Variants in PRKAG2 observed in about 807,000 individuals in gnomAD.
PRKAG2 encodes protein kinase AMP-activated non-catalytic subunit gamma 2, also known as 5'-AMP-activated protein kinase subunit gamma-2.
PRKAG2 carries 26 observed loss-of-function variants against 69.6 expected under a neutral mutation model. The observed-to-expected ratio is 0.37, with a 90% CI of 0.27 to 0.52. The LOEUF (loss-of-function observed/expected upper bound fraction) is 0.52, where lower values mean the gene tolerates loss of function less well. Among genes scored for constraint, PRKAG2 ranks in the 20% least tolerant of loss-of-function variants. The pLI, the probability that PRKAG2 is intolerant of heterozygous loss-of-function variation, is 0.90. For missense variants in PRKAG2, 557 were observed against 740.0 expected, an observed-to-expected ratio of 0.75 and a Z score of 2.87; for synonymous variants, 293 against 285.0, an observed-to-expected ratio of 1.03 and a Z score of -0.28.
chr7:151,733,175 G>C (rs899506245), intron 3 of PRKAG2, among the ~76,000 whole-genome samples: 2 of 152,216 alleles, frequency 1.3e-5, no homozygotes, highest in African/African-American at 4.8e-5. Context: ...ACCCAGCCTA[G>C]CTCTTGGCTC....
intron 9 of PRKAG2, among the ~76,000 whole-genome samples, chr7:151,571,345 T>C (rs1352793343): frequency 6.6e-6 from 1 of 152,126 alleles, no homozygotes; most frequent in African/African-American, 2.4e-5. Context: ...AGTGCTGGGA[T>C]TATAGGCGTG....
intron 3 of PRKAG2, among the ~76,000 whole-genome samples, chr7:151,702,111 G>T (rs977324417): frequency 5.3e-5 from 8 of 152,226 alleles, no homozygotes; most frequent in African/African-American, 1.9e-4. Flanking sequence ...GTGGCTGGTG[G>T]CTACCAAGAT....
At chr7:151,618,965 G>A (rs1456367575) in intron 5 of PRKAG2, among the ~76,000 whole-genome samples, 2 of 151,908 alleles carry the variant, frequency 1.3e-5, no homozygotes, top group Non-Finnish European at 2.9e-5. Context: ...GTACACGGGC[G>A]AGAAAATGCA....
intron 4 of PRKAG2, among the ~76,000 whole-genome samples, chr7:151,647,054 G>A (rs1242339803): frequency 2.6e-5 from 4 of 152,246 alleles, no homozygotes; most frequent in Admixed American, 1.3e-4. Context: ...GGGTTGGAGA[G>A]AGCCAGACCG....
At chr7:151,575,922 G>T (rs1254719791) in intron 7 of PRKAG2, among the ~76,000 whole-genome samples, 1 of 146,140 alleles carries the variant, frequency 6.8e-6, no homozygotes, top group Admixed American at 6.8e-5. Context: ...AAGAAAAAAA[G>T]GACAACAGTG....
At chr7:151,672,347 G>A (rs1054769300) in intron 4 of PRKAG2, among the ~76,000 whole-genome samples, 6 of 148,172 alleles carry the variant, frequency 4.0e-5, no homozygotes, top group African/African-American at 1.3e-4. Flanking sequence ...CACCCACTTC[G>A]GCCTCCCAAA....
At chr7:151,613,165 G>C (rs990904115) in intron 5 of PRKAG2, among the ~76,000 whole-genome samples, 4 of 152,200 alleles carry the variant, frequency 2.6e-5, no homozygotes, top group Admixed American at 1.3e-4. Flanking sequence ...GGTTGACGCA[G>C]TATCTTCTAC....
intron 3 of PRKAG2, among the ~76,000 whole-genome samples, chr7:151,697,283 C>T (rs543455869): frequency 6.6e-6 from 1 of 152,272 alleles, no homozygotes; most frequent in East Asian, 1.9e-4. Flanking sequence ...GGGGTCCCAA[C>T]AGGCAGGGAG....
At chr7:151,824,996 G>A (rs1055678838) in intron 1 of PRKAG2, among the ~76,000 whole-genome samples, 1 of 152,146 alleles carries the variant, frequency 6.6e-6, no homozygotes. Context: ...GGCGGATCAC[G>A]AGGTCAGGAG....
intron 3 of PRKAG2, among the ~76,000 whole-genome samples, chr7:151,772,375 C>T (rs1288730260): frequency 1.3e-5 from 2 of 152,210 alleles, no homozygotes; most frequent in East Asian, 1.9e-4. Flanking sequence ...AAAATCTTCT[C>T]CAACCAAAAC....
intron 4 of PRKAG2, among the ~76,000 whole-genome samples, chr7:151,649,905 T>C (rs1372621455): frequency 6.6e-6 from 1 of 152,140 alleles, no homozygotes; most frequent in Non-Finnish European, 1.5e-5. Flanking sequence ...AATGAGAGAA[T>C]GGACTCATAC....
chr7:151,658,216 A>G (rs543766318), intron 4 of PRKAG2, among the ~76,000 whole-genome samples: 1 of 148,576 alleles, frequency 6.7e-6, no homozygotes, highest in South Asian at 2.1e-4. Flanking sequence ...GGCTGGGTGC[A>G]GTGGCTCATG....
Position 151,814,379 on chromosome 7 carries a change from A to T in PRKAG2, c.115-27838T>A. ...GCACACCCAGGGACGCACAATCACTATGCATTTAGAAAGCCAGCTCCCGCA... is the reference window on the plus strand; with the variant it reads ...GCACACCCAGGGACGCACAATCACTTTGCATTTAGAAAGCCAGCTCCCGCA... On this transcript the variant is annotated intron_variant, in intron 1 of 15. Coordinates refer to ENST00000287878, the MANE Select transcript of PRKAG2 (RefSeq NM_016203.4). This position sits in a 1 kb window ranked among gnomAD's most constrained non-coding sequence, Gnocchi z 4.8. The T allele has an allele frequency of 8.3e-7, 1 of 1,200,082 alleles. No individual in the cohort carries two copies. Among genetic ancestry groups the T allele is most frequent in the Non-Finnish European group, 1.0e-6 (1 of 964,498 alleles). The allele number at this position is 1,200,082 out of a possible 1,614,324, so 74.3% of individuals were successfully genotyped here. A position where few individuals can be genotyped will look rare whatever the true frequency, so the allele number is the denominator to read the frequency against.
chr7:151,568,467 A>G (rs1806778472), intron 11 of PRKAG2, among the ~76,000 whole-genome samples: 1 of 152,210 alleles, frequency 6.6e-6, no homozygotes, highest in South Asian at 2.1e-4. Context: ...TTTAATTTAA[A>G]GAGAGAATGC....
chr7:151,805,110 G>C (rs2078036560), intron 1 of PRKAG2, among the ~76,000 whole-genome samples: 1 of 152,136 alleles, frequency 6.6e-6, no homozygotes, highest in South Asian at 2.1e-4. Context: ...CCTTGAGTTG[G>C]GGCAGCTGTG....
chr7:151,656,664 G>A (rs867016324), intron 4 of PRKAG2, among the ~76,000 whole-genome samples: 1 of 152,192 alleles, frequency 6.6e-6, no homozygotes, highest in East Asian at 1.9e-4. Flanking sequence ...CCATTTATTA[G>A]GATGCAGGTA....
At chr7:151,831,603 A>G (rs530843300) in intron 1 of PRKAG2, among the ~76,000 whole-genome samples, 1 of 152,350 alleles carries the variant, frequency 6.6e-6, no homozygotes, top group Non-Finnish European at 1.5e-5. Flanking sequence ...GCCAATCCTT[A>G]CAGCAGGTTT....
At chr7:151,729,438 C>T (rs936661821) in intron 3 of PRKAG2, among the ~76,000 whole-genome samples, 6 of 151,778 alleles carry the variant, frequency 4.0e-5, no homozygotes, top group Non-Finnish European at 7.4e-5. Context: ...GGCCTTGGAG[C>T]CAGAGGGGTT....
chr7:151,731,522 C>CTGTGTGTGTG (rs113764475), intron 3 of PRKAG2, among the ~76,000 whole-genome samples: 73 of 107,760 alleles, frequency 6.8e-4, no homozygotes, highest in African/African-American at 1.9e-3. Flanking sequence ...GGGGAGAGCT[C>CTGTGTGTGTG]TGTGTGTGTG....
Sources: allele counts gnomAD v4.1 joint callset (sites outside exome capture counted in the v4.1 genomes callset), GRCh38; gene constraint gnomAD v4.1.1; non-coding constraint Gnocchi (gnomAD v3.1); transcripts MANE v1.5; gene names NCBI Gene and HGNC (gene_info 2026-07-23, HGNC 2026-07-21).